The following ANK2 variants were observed in gnomAD, a reference collection of about 807,000 sequenced individuals.
ANK2 encodes the protein ankyrin 2.
In ANK2, 83 loss-of-function variants were observed where a neutral mutation model predicts 360.5. The observed-to-expected ratio is 0.23, with a 90% CI of 0.19 to 0.28. The LOEUF (loss-of-function observed/expected upper bound fraction) is 0.28, where lower values mean the gene tolerates loss of function less well. Ranked by LOEUF, ANK2 falls within the 10% of genes least tolerant of loss-of-function variation. ANK2 has a pLI of 1.00. For missense variants in ANK2, 4,201 were observed against 4,795.7 expected (o/e 0.88, Z 3.66); for synonymous variants, 1,740 against 1,759.5 (o/e 0.99, Z 0.28).
chr4:113,371,839 T>C (rs1018121515), intron 43 of ANK2, among the ~76,000 whole-genome samples: 2 of 152,210 alleles, frequency 1.3e-5, no homozygotes, highest in African/African-American at 4.8e-5. Context: ...TTCTCTTTTT[T>C]AAAAACAAAA....
At chr4:113,208,451 A>T (rs1207833903) in intron 4 of ANK2, among the ~76,000 whole-genome samples, 1 of 151,986 alleles carries the variant, frequency 6.6e-6, no homozygotes, top group Non-Finnish European at 1.5e-5. Context: ...ATAGATGGTA[A>T]TGCAACACTA....
chr4:112,951,364 G>T (rs2094979316), intron 2 of ANK2, among the ~76,000 whole-genome samples: 1 of 152,024 alleles, frequency 6.6e-6, no homozygotes, highest in Non-Finnish European at 1.5e-5. Flanking sequence ...TGATATAGGA[G>T]AAAAAAATTA....
chr4:113,180,104 C>T (rs1239919936), intron 2 of ANK2, among the ~76,000 whole-genome samples: 1 of 152,210 alleles, frequency 6.6e-6, no homozygotes, highest in African/African-American at 2.4e-5. Context: ...ATTAATGTTC[C>T]TCAAATAGCA....
intron 1 of ANK2, among the ~76,000 whole-genome samples, chr4:113,171,764 GA>G (rs1177945393): frequency 3.3e-5 from 5 of 152,290 alleles, no homozygotes; most frequent in African/African-American, 1.2e-4. Flanking sequence ...AACCAGTTAT[GA>G]AAACTTTTTG....
chr4:112,987,884 T>C (rs2045483551), intron 2 of ANK2, among the ~76,000 whole-genome samples: 1 of 152,100 alleles, frequency 6.6e-6, no homozygotes, highest in Non-Finnish European at 1.5e-5. Context: ...TTTTTAGGAA[T>C]ATATTACTTA....
chr4:113,091,673 C>T (rs1211025274), intron 1 of ANK2, among the ~76,000 whole-genome samples: 1 of 152,188 alleles, frequency 6.6e-6, no homozygotes, highest in Non-Finnish European at 1.5e-5. Context: ...TAGATATCCC[C>T]ACTTTTAGAT....
At position 113,057,057 on chromosome 4, in the gene ANK2, G is replaced by C. The variant is rs2070373642; in HGVS notation, c.84+7245G>C. Among the ~76,000 whole-genome samples, 3 of 152,246 alleles carry C rather than the reference G, an allele frequency of 2.0e-5. No individual in the cohort carries two copies. In the South Asian group the frequency reaches 6.2e-4, roughly 32 times the overall value. Reference sequence around the variant, plus strand: ...TTCCCCCAATTCAACAATTGGTATTGGTTTGCTGAGTGTATAGCACTGTGT... The same window carrying C: ...TTCCCCCAATTCAACAATTGGTATTCGTTTGCTGAGTGTATAGCACTGTGT... On this transcript the variant is annotated intron_variant, in intron 1 of 45. Transcript: ENST00000357077.
chr4:112,735,593 A>T, the ANK2 span, among the ~76,000 whole-genome samples: 5 of 152,290 alleles, frequency 3.3e-5, no homozygotes, highest in African/African-American at 1.2e-4. Context: ...TGTCAGTCAC[A>T]AGACACCAGT....
Position 113,261,990 on chromosome 4 carries a change from T to A in ANK2, c.1387-2907T>A, listed in dbSNP as rs1239011413. Among the ~76,000 whole-genome samples, 3 of 151,944 alleles carry A rather than the reference T, an allele frequency of 2.0e-5. No homozygotes were observed. The East Asian group carries it at 5.8e-4, about 29-fold the overall frequency. On this transcript the variant is annotated intron_variant, in intron 13 of 45. Coordinates refer to ENST00000357077, the MANE Select transcript of ANK2 (RefSeq NM_001148.6). ...ATCACTTGAACCAAAGAGGTGGAGG[T>A]TGCAATGAGCCTAGATTGCACCACT... is the stretch of plus-strand genomic sequence containing the variant.
chr4:112,875,025 C>A (rs1037461092), intron 1 of ANK2, among the ~76,000 whole-genome samples: 1 of 151,074 alleles, frequency 6.6e-6, no homozygotes, highest in Non-Finnish European at 1.5e-5. Context: ...AATTATGTAC[C>A]AATTCCCTAA....
chr4:112,760,429 C>T, the ANK2 span, among the ~76,000 whole-genome samples: 13 of 151,978 alleles, frequency 8.6e-5, no homozygotes, highest in Non-Finnish European at 1.5e-4. Flanking sequence ...CCTTGTGATC[C>T]GCCCGCCTTG....
the ANK2 span, among the ~76,000 whole-genome samples, chr4:112,749,364 T>G: frequency 1.3e-5 from 2 of 152,254 alleles, no homozygotes; most frequent in Non-Finnish European, 2.9e-5. Flanking sequence ...GTTTCAAGTC[T>G]CTGGTGGGAA....
intron 4 of ANK2, among the ~76,000 whole-genome samples, chr4:113,202,374 A>G: frequency 6.6e-6 from 1 of 152,146 alleles, no homozygotes; most frequent in Non-Finnish European, 1.5e-5. Flanking sequence ...AGACTTGCTT[A>G]TGGCAGTTAA....
intron 2 of ANK2, among the ~76,000 whole-genome samples, chr4:113,015,652 T>A (rs1308853253): frequency 1.3e-5 from 2 of 152,226 alleles, no homozygotes; most frequent in Non-Finnish European, 2.9e-5. Flanking sequence ...GCAAACTTCG[T>A]GGTCTAATGA....
At chr4:113,275,467 C>T (rs2059889090) in intron 15 of ANK2, among the ~76,000 whole-genome samples, 1 of 152,142 alleles carries the variant, frequency 6.6e-6, no homozygotes. Flanking sequence ...AGGACAATTT[C>T]AATTCTCTCA....
chr4:113,281,148 A>T (rs2062159844), intron 17 of ANK2, among the ~76,000 whole-genome samples: 2 of 152,190 alleles, frequency 1.3e-5, no homozygotes, highest in African/African-American at 2.4e-5. Flanking sequence ...GAGGATCAAG[A>T]TTTGATGATA....
chr4:112,752,160 T>G, the ANK2 span, among the ~76,000 whole-genome samples: 1 of 152,210 alleles, frequency 6.6e-6, no homozygotes, highest in African/African-American at 2.4e-5. Flanking sequence ...GACACTGTGT[T>G]AGGAGGCTCA....
chr4:113,173,725 C>A lies in ANK2; in HGVS notation c.85-691C>A, dbSNP rs1380940129. 2.0e-5 allele frequency among the ~76,000 whole-genome samples: 3 copies of A among 152,062 alleles called. No homozygotes were observed. The South Asian group carries it at 6.2e-4, about 32-fold the overall frequency. On this transcript the variant is annotated intron_variant, in intron 1 of 45. Transcript: ENST00000357077. ...GAGAAACTTAAAAAGCAGTTTCCAT[C>A]CAGAGTGATCATCTTTACCAAAAGA...
chr4:113,216,469 A>G (rs868511770), intron 4 of ANK2, among the ~76,000 whole-genome samples: 21 of 152,268 alleles, frequency 1.4e-4, no homozygotes, highest in Admixed American at 1.0e-3. Context: ...CATAGCTAAA[A>G]GAAAGATAAG....
Sources: allele counts gnomAD v4.1 joint callset (sites outside exome capture counted in the v4.1 genomes callset), GRCh38; gene constraint gnomAD v4.1.1; transcripts MANE v1.5; gene names NCBI Gene and HGNC (gene_info 2026-07-23, HGNC 2026-07-21).